Variants in AKAP12 observed in about 807,000 individuals in gnomAD.
The protein encoded by AKAP12 is A-kinase anchoring protein 12, also known as A-kinase anchor protein 12.
AKAP12 carries 32 observed loss-of-function variants against 79.9 expected under a neutral mutation model. The ratio of observed to expected loss-of-function variants is 0.40; its 90% CI spans 0.30 to 0.54. The LOEUF is 0.54. Among genes scored for constraint, AKAP12 ranks in the 20% least tolerant of loss-of-function variants. The pLI is 0.48. For synonymous variants in AKAP12, 808 were observed against 857.0 expected, an observed-to-expected ratio of 0.94 and a Z score of 1.00; for missense variants, 2,074 against 2,177.0, an observed-to-expected ratio of 0.95 and a Z score of 0.94.
chr6:151,319,465 C>CTATG (rs1491349318), intron 3 of AKAP12, among the ~76,000 whole-genome samples: 1 of 141,116 alleles, frequency 7.1e-6, no homozygotes, highest in Admixed American at 6.9e-5. Flanking sequence ...ATCTATCTAT[C>CTATG]TATCTATCTA....
At chr6:151,345,367 G>A (rs977417015) in intron 3 of AKAP12, among the ~76,000 whole-genome samples, 7 of 151,892 alleles carry the variant, frequency 4.6e-5, no homozygotes, top group African/African-American at 9.7e-5. Flanking sequence ...GAGCCACCGC[G>A]CCTGGCTAGT....
chr6:151,301,824 A>G (rs1185950252), intron 2 of AKAP12, among the ~76,000 whole-genome samples: 2 of 152,144 alleles, frequency 1.3e-5, no homozygotes, highest in Admixed American at 6.5e-5. Flanking sequence ...TTTCTACCGA[A>G]GTTAATAATG....
Position 151,350,786 on chromosome 6 carries a change from G to A in AKAP12, c.2395G>A (p.Gly799Ser), listed in dbSNP as rs149082186. The A allele has an allele frequency of 1.2e-5, 20 of 1,613,972 alleles. 1 individual carries two copies. Among genetic ancestry groups the A allele is most frequent in the Middle Eastern group, 3.3e-4 (2 of 6,062 alleles). ...ACATTCCACTCCAGACACTGAACCC[G>A]GTAAAGAAGAATCCTGGGTCTCAAT... ...VEHSTPDTEP[G>S]KEESWVSIKK... The change falls in exon 4 of 5, where the codon GGT becomes AGT. Residue 799 changes from glycine (G) to serine (S), a missense_variant. Transcript: ENST00000402676. The surrounding 1 kb of genome is among the most constrained non-coding windows in gnomAD (Gnocchi z 4.8).
At chr6:151,318,880 T>A (rs1279192336) in intron 3 of AKAP12, among the ~76,000 whole-genome samples, 1 of 152,026 alleles carries the variant, frequency 6.6e-6, no homozygotes, top group Non-Finnish European at 1.5e-5. Context: ...GAGGTTGAGG[T>A]TACAATGAAT....
At chr6:151,286,692 C>T (rs575042239) in intron 2 of AKAP12, among the ~76,000 whole-genome samples, 13 of 152,236 alleles carry the variant, frequency 8.5e-5, no homozygotes, top group African/African-American at 2.2e-4. Flanking sequence ...TTTATTTAAG[C>T]GCATATGAAC....
chr6:151,258,298 G>A (rs1797342073), intron 2 of AKAP12, among the ~76,000 whole-genome samples: 2 of 152,216 alleles, frequency 1.3e-5, no homozygotes, highest in Non-Finnish European at 2.9e-5. Context: ...GAAATGTCAC[G>A]AGTTTGTTGC....
intron 2 of AKAP12, among the ~76,000 whole-genome samples, chr6:151,277,508 C>T (rs1776309422): frequency 6.6e-6 from 1 of 152,240 alleles, no homozygotes; most frequent in South Asian, 2.1e-4. Context: ...TAATTTGAAA[C>T]AATACATGCT....
At position 151,352,412 on chromosome 6, in the gene AKAP12, G is replaced by C; in HGVS notation, c.4021G>C (p.Val1341Leu). The C allele has an allele frequency of 6.2e-7, 1 of 1,614,178 alleles. No homozygotes were observed. The highest frequency in any genetic ancestry group is 8.5e-7 in the Non-Finnish European group (1 of 1,180,032). Residue 1341 changes from valine to leucine, a missense_variant, in exon 4 of 5, where the codon GTC becomes CTC. Around this residue, in one of 3 missense-constraint regions of AKAP12, gnomAD observed 614 missense variants for 665.6 expected, o/e 0.92. Coordinates refer to ENST00000402676, the MANE Select transcript of AKAP12 (RefSeq NM_005100.4). ...CGTGGAGAGAGAGATGGTAGTTCAA[G>C]TCGAAAGGGAGAAAACAGAAGCAGA... Reference protein sequence around the residue: ...SPVEREMVVQVEREKTEAEPT... With the variant: ...SPVEREMVVQLEREKTEAEPT...
intron 2 of AKAP12, among the ~76,000 whole-genome samples, chr6:151,256,094 G>T (rs1373642120): frequency 6.6e-6 from 1 of 152,168 alleles, no homozygotes; most frequent in Non-Finnish European, 1.5e-5. Flanking sequence ...AGAAATTTGT[G>T]CTGAGTCTTT....
intron 3 of AKAP12, among the ~76,000 whole-genome samples, chr6:151,328,145 G>A (rs1980490): frequency 0.5 from 75,887 of 151,076 alleles, 22,051 homozygotes; most frequent in African/African-American, 0.8. Flanking sequence ...GGCTAACACG[G>A]TGAAACCCCG....
intron 2 of AKAP12, among the ~76,000 whole-genome samples, chr6:151,299,214 A>G (rs1776803004): frequency 6.6e-6 from 1 of 152,204 alleles, no homozygotes; most frequent in Admixed American, 6.5e-5. Context: ...TTTGGAGATG[A>G]TATAAACAGA....
chr6:151,325,200 AT>A (rs752464471), intron 3 of AKAP12: 31 of 985,336 alleles, frequency 3.1e-5, no homozygotes, highest in Non-Finnish European at 3.6e-5. Flanking sequence ...TGGTGAAAAT[AT>A]CAAATGCTAC....
chr6:151,267,685 AT>A (rs1217608996), intron 2 of AKAP12, among the ~76,000 whole-genome samples: 1 of 152,166 alleles, frequency 6.6e-6, no homozygotes, highest in African/African-American at 2.4e-5. Flanking sequence ...ATTATTTACC[AT>A]TTCTGATCCC....
At chr6:151,306,483 GA>G (rs1776981432) in intron 3 of AKAP12, among the ~76,000 whole-genome samples, 1 of 152,162 alleles carries the variant, frequency 6.6e-6, no homozygotes, top group African/African-American at 2.4e-5. Context: ...TGTGAAAAGC[GA>G]AAGGCTGCAT....
Position 151,350,850 on chromosome 6 carries a change from A to G in AKAP12, c.2459A>G (p.Asp820Gly). 1.9e-6 allele frequency: 3 copies of G among 1,614,168 alleles called. No individual in the cohort carries two copies. The highest frequency in any genetic ancestry group is 2.5e-6 in the Non-Finnish European group (3 of 1,180,036). The change falls in exon 4 of 5, where the codon GAT (aspartate) becomes GGT (glycine). Residue 820 changes from aspartate to glycine, a missense_variant. Asp to Gly is a moderately conservative substitution (Grantham distance 94). Coordinates refer to ENST00000402676, the MANE Select transcript of AKAP12 (RefSeq NM_005100.4). This position sits in a 1 kb window ranked among gnomAD's most constrained non-coding sequence, Gnocchi z 4.8. ...CCTGGACGAAGGAAGAAAAGGCCAG[A>G]TGGGAAACAAGAACAAGCCCCTGTT... ...FIPGRRKKRP[D>G]GKQEQAPVED... is the part of the protein sequence containing the mutation.
intron 2 of AKAP12, among the ~76,000 whole-genome samples, chr6:151,260,223 CTT>C (rs1425835184): frequency 1.3e-5 from 2 of 152,222 alleles, no homozygotes; most frequent in African/African-American, 2.4e-5. Context: ...CAGTTTATGA[CTT>C]TTGTGAGGTG....
rs1778248209 is a variant in AKAP12, at chr6:151,350,332, G to A, written c.1941G>A (p.Glu647=). ...KVKSATLSST[E]STASEMQEEM... is the part of the protein sequence containing the mutation. ...AGAGCGCTACCTTGTCTTCCACCGA[G>A]AGCACAGCCTCTGAAATGCAAGAAG... Residue 647 remains glutamate (E), a synonymous_variant, in exon 4 of 5, where the codon GAG becomes GAA. Coordinates refer to ENST00000402676, the MANE Select transcript of AKAP12 (RefSeq NM_005100.4). The surrounding 1 kb of genome is among the most constrained non-coding windows in gnomAD (Gnocchi z 4.8). 2 of 1,613,768 alleles carry A rather than the reference G, an allele frequency of 1.2e-6. No homozygotes were observed. The highest frequency in any genetic ancestry group is 8.5e-7 in the Non-Finnish European group (1 of 1,180,034).
chr6:151,291,715 G>A (rs1258426652), intron 2 of AKAP12, among the ~76,000 whole-genome samples: 4 of 151,392 alleles, frequency 2.6e-5, no homozygotes, highest in Non-Finnish European at 1.5e-5. Flanking sequence ...CTCCACAATG[G>A]CATCTGCAAG....
At chr6:151,246,110 CT>C (rs1797070891) in intron 2 of AKAP12, among the ~76,000 whole-genome samples, 2 of 152,144 alleles carry the variant, frequency 1.3e-5, no homozygotes, top group South Asian at 2.1e-4. Context: ...GAATTGCAAG[CT>C]TTATATGCAT....
Sources: allele counts gnomAD v4.1 joint callset (sites outside exome capture counted in the v4.1 genomes callset), GRCh38; gene constraint gnomAD v4.1.1; regional missense constraint gnomAD v4.1.1; non-coding constraint Gnocchi (gnomAD v3.1); transcripts MANE v1.5; gene names NCBI Gene and HGNC (gene_info 2026-07-23, HGNC 2026-07-21).